Variants in PAM observed in about 807,000 individuals in gnomAD.
PAM encodes peptidylglycine alpha-amidating monooxygenase, also known as peptidyl-glycine alpha-amidating monooxygenase.
PAM carries 72 observed loss-of-function variants against 122.1 expected under a neutral mutation model. That is an observed-to-expected ratio of 0.59 (90% CI 0.49 to 0.72). The LOEUF (loss-of-function observed/expected upper bound fraction) is 0.72. Among genes scored for constraint, PAM ranks in the 30% least tolerant of loss-of-function variants. The pLI, the probability that PAM is intolerant of heterozygous loss-of-function variation, is 0.00. For missense variants in PAM, 1,106 were observed against 1,183.7 expected (o/e 0.93, Z 0.96); for synonymous variants, 389 against 404.4 (o/e 0.96, Z 0.46).
rs1259587891 is a variant in PAM, at chr5:102,950,701, T to C, written c.802-16T>C. The stretch of plus-strand genomic sequence containing the variant: ...TTGGTAATATTAATGATTCATTGTG[T>C]TTGTCTTTTTGGTAGGCTTTCTACC... On this transcript the variant is annotated splice_polypyrimidine_tract_variant and intron_variant, in intron 11 of 25. Transcript: ENST00000438793. The C allele has an allele frequency of 6.9e-7, 1 of 1,458,300 alleles. No individual in the cohort carries two copies. The highest frequency in any genetic ancestry group is 9.6e-7 in the Non-Finnish European group (1 of 1,039,286). The allele number at this position is 1,458,300 out of a possible 1,614,324, so 90.3% of individuals were successfully genotyped here.
Position 102,949,732 on chromosome 5 carries a change from T to C in PAM, c.724+115T>C, listed in dbSNP as rs1758164054. 4 of 728,450 alleles carry C rather than the reference T, an allele frequency of 5.5e-6. No individual in the cohort carries two copies. The Admixed American group carries it at 6.8e-5, about 12-fold the overall frequency. The allele number at this position is 728,450 out of a possible 1,614,324, so 45.1% of individuals were successfully genotyped here. A position where few individuals can be genotyped will look rare whatever the true frequency, so the allele number is the denominator to read the frequency against. ...CTGTTTCAATGAAAGTGATTTCATA[T>C]AAGACCTTGAAATATTTTATGCTGT... On this transcript the variant is annotated intron_variant, in intron 10 of 25. Coordinates refer to ENST00000438793, the MANE Select transcript of PAM (RefSeq NM_001177306.2).
chr5:102,844,529 A>C (rs1312668697), intron 1 of PAM, among the ~76,000 whole-genome samples: 1 of 152,140 alleles, frequency 6.6e-6, no homozygotes, highest in Non-Finnish European at 1.5e-5. Flanking sequence ...TCAGCTGGGC[A>C]TAGTGGCTCA....
intron 14 of PAM, among the ~76,000 whole-genome samples, chr5:102,972,402 C>G (rs1450237041): frequency 3.3e-5 from 5 of 152,122 alleles, no homozygotes; most frequent in Non-Finnish European, 7.4e-5. Flanking sequence ...CCACTTTAGC[C>G]TCCCAAGTGG....
intron 15 of PAM, among the ~76,000 whole-genome samples, chr5:102,988,549 C>T (rs759297288): frequency 3.5e-5 from 5 of 141,480 alleles, no homozygotes; most frequent in South Asian, 2.2e-4. Flanking sequence ...ATAGAAAATA[C>T]GCTTAGGGAA....
intron 4 of PAM, among the ~76,000 whole-genome samples, chr5:102,907,279 T>C (rs561700244): frequency 1.3e-5 from 2 of 152,020 alleles, no homozygotes; most frequent in South Asian, 4.1e-4. Context: ...ATTTCATCCA[T>C]GTCCCTACAA....
At chr5:102,964,928 T>C (rs1763609077) in intron 14 of PAM, among the ~76,000 whole-genome samples, 1 of 151,898 alleles carries the variant, frequency 6.6e-6, no homozygotes, top group African/African-American at 2.4e-5. Flanking sequence ...AGGGAGTTTA[T>C]CTGCGAATGA....
At chr5:102,979,591 A>C (rs938697833) in intron 15 of PAM, among the ~76,000 whole-genome samples, 12 of 152,116 alleles carry the variant, frequency 7.9e-5, no homozygotes, top group Non-Finnish European at 1.8e-4. Flanking sequence ...CACTGAAATT[A>C]ATTCATAGTT....
rs114059642 is a variant in PAM, at chr5:102,933,054, T to G, written c.526+6386T>G. On this transcript the variant is annotated intron_variant, in intron 7 of 25. Transcript: ENST00000438793. Reference sequence around the variant, plus strand: ...TCATAGAGTTCCCGTCCAGTGAGCATAAGTACACTTAAAATAATAACCGTA... The same window carrying G: ...TCATAGAGTTCCCGTCCAGTGAGCAGAAGTACACTTAAAATAATAACCGTA... Among the ~76,000 whole-genome samples the G allele has an allele frequency of 4.9e-3, 742 of 152,292 alleles. 3 individuals are homozygous for G. Among genetic ancestry groups the G allele is most frequent in the Middle Eastern group, 0.027 (8 of 294 alleles).
chr5:102,780,589 G>A (rs466233), intron 1 of PAM, among the ~76,000 whole-genome samples: 66,181 of 151,282 alleles, frequency 0.44, 15,079 homozygotes, highest in African/African-American at 0.57. Flanking sequence ...ACATTGCATG[G>A]TGTACCTCCC....
chr5:102,775,336 T>A (rs147300227), intron 1 of PAM, among the ~76,000 whole-genome samples: 1 of 152,204 alleles, frequency 6.6e-6, no homozygotes, highest in African/African-American at 2.4e-5. Flanking sequence ...TTTATTTTTT[T>A]AATTTAATTT....
chr5:102,914,083 G>T, intron 5 of PAM, 62 bp downstream of exon 5: 1 of 845,558 alleles, frequency 1.2e-6, no homozygotes, highest in Non-Finnish European at 2.0e-6. Context: ...AGTGCAAAGT[G>T]TATCTGTGCA....
intron 16 of PAM, 96 bp downstream of exon 16, chr5:102,990,497 G>T: frequency 1.1e-6 from 1 of 912,958 alleles, no homozygotes; most frequent in South Asian, 3.0e-5. Flanking sequence ...GAACTATAAA[G>T]GTTTTTTAGA....
intron 22 of PAM, among the ~76,000 whole-genome samples, 170 bp downstream of exon 22, chr5:103,017,603 G>A (rs755417907): frequency 6.6e-5 from 10 of 152,186 alleles, no homozygotes; most frequent in Non-Finnish European, 1.0e-4. Context: ...GGAAAGAAAC[G>A]ATTTTTTTGC....
intron 1 of PAM, among the ~76,000 whole-genome samples, chr5:102,771,381 A>G (rs1755745380): frequency 6.6e-6 from 1 of 152,076 alleles, no homozygotes. Context: ...CCAAGTGGGA[A>G]TGAAATTGAA....
At chr5:102,807,426 A>G (rs1336915469) in intron 1 of PAM, among the ~76,000 whole-genome samples, 1 of 152,150 alleles carries the variant, frequency 6.6e-6, no homozygotes, top group Non-Finnish European at 1.5e-5. Flanking sequence ...TGTAGTTTGG[A>G]GGATTGTTAG....
intron 1 of PAM, among the ~76,000 whole-genome samples, chr5:102,771,136 A>G (rs1755682143): frequency 6.6e-6 from 1 of 152,140 alleles, no homozygotes; most frequent in Non-Finnish European, 1.5e-5. Context: ...TGGGAGTTAT[A>G]AACTCCTATT....
chr5:103,015,561 T>C (rs866787836), intron 21 of PAM, among the ~76,000 whole-genome samples: 1 of 152,156 alleles, frequency 6.6e-6, no homozygotes, highest in Non-Finnish European at 1.5e-5. Flanking sequence ...TTGTTTCAAA[T>C]GACACAAAGC....
intron 4 of PAM, among the ~76,000 whole-genome samples, chr5:102,908,827 G>A (rs1800501011): frequency 6.6e-6 from 1 of 151,680 alleles, no homozygotes. Flanking sequence ...TGGTTATGGG[G>A]AAAGCTTGCA....
At chr5:102,931,001 T>G (rs1408887982) in intron 7 of PAM, among the ~76,000 whole-genome samples, 1 of 152,156 alleles carries the variant, frequency 6.6e-6, no homozygotes, top group Non-Finnish European at 1.5e-5. Context: ...TCGCTGAGTT[T>G]CTAAACCTCT....
Sources: gnomAD v4.1 joint callset for allele counts (sites outside exome capture counted in the v4.1 genomes callset) on GRCh38, gnomAD v4.1.1 for gene constraint, MANE v1.5 for transcripts, NCBI Gene and HGNC (gene_info 2026-07-23, HGNC 2026-07-21) for gene names.